SLC44A5: variants seen among roughly 807,000 people sequenced by gnomAD.
SLC44A5 encodes choline transporter-like protein 5.
SLC44A5 carries 57 observed loss-of-function variants against 101.8 expected under a neutral mutation model. The ratio of observed to expected loss-of-function variants is 0.56; its 90% CI spans 0.45 to 0.70. The LOEUF (loss-of-function observed/expected upper bound fraction) is 0.70. Ranked by LOEUF, SLC44A5 falls within the 30% of genes least tolerant of loss-of-function variation. SLC44A5 has a pLI of 0.00. For missense variants in SLC44A5, 737 were observed against 853.1 expected, an observed-to-expected ratio of 0.86 and a Z score of 1.70; for synonymous variants, 281 against 290.9, an observed-to-expected ratio of 0.97 and a Z score of 0.35.
At chr1:75,687,255 C>A in the SLC44A5 span, among the ~76,000 whole-genome samples, 10 of 152,140 alleles carry the variant, frequency 6.6e-5, no homozygotes, top group Non-Finnish European at 1.5e-4. Flanking sequence ...ATAACCATAT[C>A]TCATGTGAAA....
chr1:75,241,302 C>T (rs1051539770), intron 9 of SLC44A5, among the ~76,000 whole-genome samples: 5 of 152,128 alleles, frequency 3.3e-5, no homozygotes, highest in African/African-American at 7.2e-5. Context: ...TAGCTAACTA[C>T]AGGCTTCAAC....
intron 3 of SLC44A5, among the ~76,000 whole-genome samples, chr1:75,350,956 G>C (rs1307604949): frequency 6.7e-6 from 1 of 150,320 alleles, no homozygotes; most frequent in Non-Finnish European, 1.5e-5. Context: ...AGAAGATAAA[G>C]CATGTGAATT....
the SLC44A5 span, among the ~76,000 whole-genome samples, chr1:75,647,018 T>A: frequency 6.6e-6 from 1 of 152,134 alleles, no homozygotes; most frequent in Non-Finnish European, 1.5e-5. Context: ...ATCCCCCAGA[T>A]AATGGGGAAA....
chr1:75,255,467 A>G (rs1367882650), intron 6 of SLC44A5, among the ~76,000 whole-genome samples: 2 of 151,810 alleles, frequency 1.3e-5, no homozygotes, highest in Admixed American at 1.3e-4. Context: ...AAAAGAAGAG[A>G]TGGAAAAAAT....
intron 2 of SLC44A5, among the ~76,000 whole-genome samples, chr1:75,446,958 T>C (rs1288311529): frequency 2.0e-5 from 3 of 152,204 alleles, no homozygotes; most frequent in Admixed American, 1.3e-4. Flanking sequence ...TTCATCAGCA[T>C]CATTTCAAAT....
the SLC44A5 span, among the ~76,000 whole-genome samples, chr1:75,650,954 C>T: frequency 2.6e-5 from 4 of 152,188 alleles, no homozygotes; most frequent in Non-Finnish European, 4.4e-5. Context: ...GCTCAGATGT[C>T]CTTTATACCC....
At position 75,213,997 on chromosome 1, in the gene SLC44A5, T is replaced by C. The variant is rs767159460; in HGVS notation, c.1803-8A>G. ...TCATCTGTAACTGCAACTCTGAGTATCAGAAAAAAAGAAAGTATAATTCTG... is the reference window on the plus strand; with the variant it reads ...TCATCTGTAACTGCAACTCTGAGTACCAGAAAAAAAGAAAGTATAATTCTG... On this transcript the variant is annotated splice_region_variant and splice_polypyrimidine_tract_variant and intron_variant, in intron 20 of 23. Coordinates refer to ENST00000370859, the MANE Select transcript of SLC44A5 (RefSeq NM_001130058.2). The C allele has an allele frequency of 1.3e-5, 20 of 1,541,564 alleles. No homozygotes were observed. Among genetic ancestry groups the C allele is most frequent in the Non-Finnish European group, 1.8e-5 (20 of 1,132,602 alleles).
At chr1:75,698,025 G>C in the SLC44A5 span, among the ~76,000 whole-genome samples, 3 of 152,156 alleles carry the variant, frequency 2.0e-5, no homozygotes, top group African/African-American at 7.2e-5. Flanking sequence ...CTCACTGATT[G>C]CTAGCACAGC....
At chr1:75,489,775 A>C (rs557391452) in intron 2 of SLC44A5, among the ~76,000 whole-genome samples, 54 of 152,348 alleles carry the variant, frequency 3.5e-4, no homozygotes, top group African/African-American at 1.3e-3. Context: ...GGATATTTAC[A>C]ACCAATAACA....
intron 2 of SLC44A5, among the ~76,000 whole-genome samples, chr1:75,526,379 T>C (rs1670407901): frequency 6.6e-6 from 1 of 152,152 alleles, no homozygotes; most frequent in Admixed American, 6.5e-5. Flanking sequence ...ACCTCACAGT[T>C]AGGTTGGGGT....
intron 4 of SLC44A5, among the ~76,000 whole-genome samples, chr1:75,326,006 C>T (rs1390448618): frequency 6.6e-6 from 1 of 150,834 alleles, no homozygotes; most frequent in Non-Finnish European, 1.5e-5. Flanking sequence ...CAATTTTCTA[C>T]TTGTGATGTC....
At chr1:75,700,917 T>A in the SLC44A5 span, among the ~76,000 whole-genome samples, 1 of 152,178 alleles carries the variant, frequency 6.6e-6, no homozygotes, top group African/African-American at 2.4e-5. Flanking sequence ...AAGAAATAGA[T>A]AAATTCCTGG....
chr1:75,548,012 C>T (rs1294516432), intron 1 of SLC44A5, among the ~76,000 whole-genome samples: 2 of 152,110 alleles, frequency 1.3e-5, no homozygotes, highest in East Asian at 1.9e-4. Flanking sequence ...TTTGATGGAG[C>T]TTATGTTTAA....
At chr1:75,620,040 T>C in the SLC44A5 span, among the ~76,000 whole-genome samples, 1 of 152,120 alleles carries the variant, frequency 6.6e-6, no homozygotes, top group Non-Finnish European at 1.5e-5. Context: ...TGTCCGTGTG[T>C]TCTTATTGTT....
rs776797808 is a variant in SLC44A5, at chr1:75,213,764, T to C, written c.1903A>G (p.Arg635Gly). The C allele has an allele frequency of 5.6e-6, 9 of 1,612,944 alleles. No individual in the cohort carries two copies. In the Admixed American group the frequency reaches 1.5e-4, roughly 27 times the overall value. Reference sequence around the variant, plus strand: ...GGTCCTTGTGCAATCACTGGCAGTCTTTGTGTGAAGAATAGGAAGGCCAGA... The same window carrying C: ...GGTCCTTGTGCAATCACTGGCAGTCCTTGTGTGAAGAATAGGAAGGCCAGA... ...GVLAFLFFTQ[R>G]LPVIAQGPAS... Residue 635 changes from arginine to glycine, a missense_variant, in exon 22 of 24, where the codon AGA (arginine) becomes GGA (glycine). Arg to Gly is a moderately radical substitution (Grantham distance 125). Transcript: ENST00000370859.
chr1:75,511,130 G>C (rs564031256), intron 2 of SLC44A5, among the ~76,000 whole-genome samples: 1 of 152,040 alleles, frequency 6.6e-6, no homozygotes, highest in African/African-American at 2.4e-5. Context: ...GCGACGGAGC[G>C]AGACTCCGTC....
At chr1:75,543,614 C>T (rs1557891658) in intron 1 of SLC44A5, among the ~76,000 whole-genome samples, 5 of 146,614 alleles carry the variant, frequency 3.4e-5, no homozygotes, top group African/African-American at 1.0e-4. Context: ...TATATACACA[C>T]ACACATATAT....
At chr1:75,265,656 A>G (rs550092353) in intron 6 of SLC44A5, among the ~76,000 whole-genome samples, 57 of 152,204 alleles carry the variant, frequency 3.7e-4, no homozygotes, top group Non-Finnish European at 5.4e-4. Context: ...TTATGCATGT[A>G]ACAAAATATC....
intron 3 of SLC44A5, among the ~76,000 whole-genome samples, chr1:75,396,215 A>G (rs1219444404): frequency 6.6e-6 from 1 of 152,172 alleles, no homozygotes; most frequent in Non-Finnish European, 1.5e-5. Flanking sequence ...ACATAGTGTC[A>G]TGAAAGCTGG....
Sources: allele counts gnomAD v4.1 joint callset (sites outside exome capture counted in the v4.1 genomes callset), GRCh38; gene constraint gnomAD v4.1.1; transcripts MANE v1.5; gene names NCBI Gene and HGNC (gene_info 2026-07-23, HGNC 2026-07-21).